The following LHFPL3 variants were observed in gnomAD, a reference collection of about 807,000 sequenced individuals.
LHFPL3 encodes LHFPL tetraspan subfamily member 3 protein.
LHFPL3 carries 5 observed loss-of-function variants against 19.3 expected under a neutral mutation model. That is an observed-to-expected ratio of 0.26 (90% CI 0.14 to 0.54). LHFPL3 has a LOEUF of 0.54. Ranked by LOEUF, LHFPL3 falls within the 20% of genes least tolerant of loss-of-function variation. The probability of loss-of-function intolerance (pLI) is 0.94; values close to 1 mark genes in which losing one functional copy is unlikely to be tolerated. For missense variants in LHFPL3, 249 were observed against 307.4 expected (o/e 0.81, Z 1.42); for synonymous variants, 133 against 126.2 (o/e 1.05, Z -0.36).
At chr7:104,488,980 C>A (rs1455451388) in intron 1 of LHFPL3, among the ~76,000 whole-genome samples, 3 of 152,086 alleles carry the variant, frequency 2.0e-5, no homozygotes, top group African/African-American at 7.2e-5. Context: ...CCCGTGTAGT[C>A]ACTCAGTGTC....
chr7:104,876,334 T>G (rs1354853632), intron 2 of LHFPL3, among the ~76,000 whole-genome samples: 1 of 151,896 alleles, frequency 6.6e-6, no homozygotes, highest in Admixed American at 6.6e-5. Context: ...ACCATCAGAG[T>G]GAACAGGCAA....
intron 1 of LHFPL3, among the ~76,000 whole-genome samples, chr7:104,587,649 T>C (rs1291432688): frequency 6.6e-6 from 1 of 152,122 alleles, no homozygotes; most frequent in East Asian, 1.9e-4. Flanking sequence ...ATGGGATGGC[T>C]GGGTCAAATG....
chr7:104,618,346 CAT>C (rs1791386046), intron 1 of LHFPL3, among the ~76,000 whole-genome samples: 1 of 152,172 alleles, frequency 6.6e-6, no homozygotes, highest in East Asian at 1.9e-4. Flanking sequence ...AACATTGACT[CAT>C]ATGATCTTCA....
chr7:104,891,029 T>C (rs1792233171), intron 2 of LHFPL3, among the ~76,000 whole-genome samples: 1 of 151,942 alleles, frequency 6.6e-6, no homozygotes, highest in African/African-American at 2.4e-5. Flanking sequence ...GACACAACTG[T>C]TGCAGCTATG....
intron 2 of LHFPL3, among the ~76,000 whole-genome samples, chr7:104,795,764 C>A (rs1790110981): frequency 6.6e-6 from 1 of 152,234 alleles, no homozygotes; most frequent in Non-Finnish European, 1.5e-5. Context: ...ACACCACTCC[C>A]TCTAGCTCCA....
intron 2 of LHFPL3, among the ~76,000 whole-genome samples, chr7:104,853,706 A>T (rs1791451760): frequency 6.6e-6 from 1 of 152,246 alleles, no homozygotes; most frequent in Non-Finnish European, 1.5e-5. Flanking sequence ...TTTGTATTTT[A>T]GTACCTTTAA....
chr7:104,768,140 GAAA>G (rs11362068), intron 2 of LHFPL3, among the ~76,000 whole-genome samples: 28 of 132,312 alleles, frequency 2.1e-4, no homozygotes, highest in African/African-American at 2.5e-4. Flanking sequence ...TTATTCTCGT[GAAA>G]AAAAAAAAAA....
intron 1 of LHFPL3, among the ~76,000 whole-genome samples, chr7:104,382,713 G>A (rs569595552): frequency 1.2e-4 from 18 of 152,230 alleles, no homozygotes; most frequent in Non-Finnish European, 2.2e-4. Flanking sequence ...TCCCATTCCC[G>A]TAAAGAAATG....
intron 1 of LHFPL3, among the ~76,000 whole-genome samples, chr7:104,696,445 G>GGT (rs5886329): frequency 0.1 from 15,182 of 149,966 alleles, 855 homozygotes; most frequent in Non-Finnish European, 0.12. Flanking sequence ...AGTGTTACTA[G>GGT]GTGTGTGTGT....
intron 2 of LHFPL3, among the ~76,000 whole-genome samples, chr7:104,870,938 A>C (rs764057869): frequency 6.7e-4 from 102 of 152,302 alleles, no homozygotes; most frequent in South Asian, 1.9e-3. Context: ...GGGGCACTCT[A>C]TAGGCAGTGT....
At position 104,614,589 on chromosome 7, in the gene LHFPL3, C is replaced by CTCTTCTCTTCTCT. The variant is rs1554415246; in HGVS notation, c.446-122083_446-122082insTCTCTTCTCTTCT. ...TCCAAAGAGCCTCCTCTTCTCTTCT[C>CTCTTCTCTTCTCT]TCTCTTCTCTTCTCTTCTCTTCTCT... On this transcript the variant is annotated intron_variant, in intron 1 of 2. Coordinates refer to ENST00000424859, the MANE Select transcript of LHFPL3 (RefSeq NM_199000.3). Among the ~76,000 whole-genome samples, 55 of 63,908 alleles carry CTCTTCTCTTCTCT rather than the reference C, an allele frequency of 8.6e-4. 4 individuals are homozygous for CTCTTCTCTTCTCT. The highest frequency in any genetic ancestry group is 1.2e-3 in the Admixed American group (7 of 5,876). 41.9% of individuals were successfully genotyped at this position (63,908 alleles called of 152,430 possible). A position where few individuals can be genotyped will look rare whatever the true frequency, so the allele number is the denominator to read the frequency against.
intron 1 of LHFPL3, among the ~76,000 whole-genome samples, chr7:104,627,532 T>C (rs1440966976): frequency 2.0e-5 from 3 of 152,158 alleles, no homozygotes; most frequent in African/African-American, 7.2e-5. Context: ...CAATTTCTAA[T>C]TGATTATTAG....
At chr7:104,543,902 A>ATAT (rs1491558144) in intron 1 of LHFPL3, among the ~76,000 whole-genome samples, 5 of 137,260 alleles carry the variant, frequency 3.6e-5, no homozygotes, top group South Asian at 2.3e-4. Context: ...GTACCCCAAA[A>ATAT]TATAATAATA....
intron 1 of LHFPL3, among the ~76,000 whole-genome samples, chr7:104,435,086 A>G (rs1792076980): frequency 6.6e-6 from 1 of 151,646 alleles, no homozygotes; most frequent in Admixed American, 6.6e-5. Flanking sequence ...AGGAAAAGAA[A>G]ACATTTTAAA....
intron 1 of LHFPL3, among the ~76,000 whole-genome samples, chr7:104,506,814 A>G (rs1478306711): frequency 6.6e-6 from 1 of 152,214 alleles, no homozygotes; most frequent in Non-Finnish European, 1.5e-5. Context: ...AATTTAAAGA[A>G]AAGGGTATGG....
chr7:104,632,842 A>AG (rs1434120874), intron 1 of LHFPL3, among the ~76,000 whole-genome samples: 1 of 152,154 alleles, frequency 6.6e-6, no homozygotes, highest in Non-Finnish European at 1.5e-5. Flanking sequence ...TTCAGTAGAG[A>AG]TGAGGTTTTG....
At chr7:104,386,401 G>A (rs10953427) in intron 1 of LHFPL3, among the ~76,000 whole-genome samples, 62,803 of 151,940 alleles carry the variant, frequency 0.41, 13,338 homozygotes, top group Admixed American at 0.54. Context: ...CTGAGATTCC[G>A]ATAACAACTG....
At chr7:104,482,201 A>G (rs530143771) in intron 1 of LHFPL3, among the ~76,000 whole-genome samples, 61 of 152,296 alleles carry the variant, frequency 4.0e-4, no homozygotes, top group Admixed American at 1.0e-3. Flanking sequence ...GATTTCCATT[A>G]GCCACATCCT....
At chr7:104,607,680 C>T (rs977163571) in intron 1 of LHFPL3, among the ~76,000 whole-genome samples, 4 of 151,918 alleles carry the variant, frequency 2.6e-5, no homozygotes, top group African/African-American at 9.7e-5. Context: ...TTCTGCACAG[C>T]AAAAGAAACT....
Sources: allele counts gnomAD v4.1 joint callset (sites outside exome capture counted in the v4.1 genomes callset), GRCh38; gene constraint gnomAD v4.1.1; transcripts MANE v1.5; gene names NCBI Gene and HGNC (gene_info 2026-07-23, HGNC 2026-07-21).